Variants in TRA2A observed in about 807,000 individuals in gnomAD.
TRA2A encodes the protein transformer 2 alpha homolog.
In TRA2A, 31 loss-of-function variants were observed where a neutral mutation model predicts 45.7. The ratio of observed to expected loss-of-function variants is 0.68; its 90% CI spans 0.51 to 0.92. The LOEUF is 0.92. TRA2A is among the 40% of genes least tolerant of loss of function. TRA2A has a pLI of 0.00. For missense variants in TRA2A, 304 were observed against 367.5 expected, an observed-to-expected ratio of 0.83 and a Z score of 1.41; for synonymous variants, 132 against 126.2, an observed-to-expected ratio of 1.05 and a Z score of -0.31.
chr7:23,513,118 A>G, intron 3 of TRA2A, 36 bp from the exon 4 acceptor site: 1 of 1,442,570 alleles, frequency 6.9e-7, no homozygotes, highest in Non-Finnish European at 9.5e-7. Context: ...ACTCCAAATT[A>G]AAATCAAAAT....
chr7:23,523,807 G>C (rs1478744897), intron 1 of TRA2A, among the ~76,000 whole-genome samples: 1 of 152,164 alleles, frequency 6.6e-6, no homozygotes, highest in Non-Finnish European at 1.5e-5. Flanking sequence ...ATAAAAAAAG[G>C]CATGGCTAAT....
chr7:23,512,758 G>A (rs1340652156), intron 4 of TRA2A, 136 bp downstream of exon 4: 27 of 750,192 alleles, frequency 3.6e-5, no homozygotes, highest in Middle Eastern at 3.9e-4. Context: ...GCGCCTGGAC[G>A]CAAGATCCTA....
intron 1 of TRA2A, chr7:23,531,480 A>G (rs1256558146): frequency 2.4e-6 from 1 of 413,356 alleles, no homozygotes; most frequent in Non-Finnish European, 4.3e-6. Flanking sequence ...GGGGACCCAC[A>G]CCTCGGAGCA....
At chr7:23,518,122 AG>A (rs1422582557) in intron 2 of TRA2A, among the ~76,000 whole-genome samples, 1 of 151,762 alleles carries the variant, frequency 6.6e-6, no homozygotes, top group East Asian at 2.0e-4. Context: ...TATTTTCTGT[AG>A]TGACAGGGTT....
At chr7:23,527,418 G>C (rs1271613856) in intron 1 of TRA2A, among the ~76,000 whole-genome samples, 1 of 151,844 alleles carries the variant, frequency 6.6e-6, no homozygotes, top group Non-Finnish European at 1.5e-5. Flanking sequence ...TGCCTGTCTT[G>C]CTAAATTTGT....
chr7:23,510,282 C>T (rs1393202913), intron 4 of TRA2A, among the ~76,000 whole-genome samples: 1 of 152,124 alleles, frequency 6.6e-6, no homozygotes, highest in African/African-American at 2.4e-5. Context: ...TCTAATCCTG[C>T]CACTAAGTAA....
Position 23,521,758 on chromosome 7 carries a change from G to A in TRA2A, c.119C>T (p.Ser40Leu). 2 of 1,614,130 alleles carry A rather than the reference G, an allele frequency of 1.2e-6. No homozygotes were observed. Among genetic ancestry groups the A allele is most frequent in the Non-Finnish European group, 1.7e-6 (2 of 1,180,016 alleles). The change falls in exon 2 of 8, where the codon TCA (serine) becomes TTA (leucine). Residue 40 changes from serine (S) to leucine (L), a missense_variant. This residue lies in a region of TRA2A where 132 missense variants were observed against 113.4 expected (regional missense o/e 1.16). Transcript: ENST00000297071. Reference protein sequence around the residue: ...SESRSGSRSPSRVSKHSESHS... With the variant: ...SESRSGSRSPLRVSKHSESHS... ...GGATTCAGAGTGTTTGGAAACCCTT[G>A]ATGGACTACGAGATCCTGACCTGCT...
At chr7:23,512,783 A>G (rs1341975971) in intron 4 of TRA2A, 111 bp downstream of exon 4, 7 of 1,003,966 alleles carry the variant, frequency 7.0e-6, no homozygotes, top group African/African-American at 5.0e-5. Context: ...TAAAAAAAAA[A>G]AAAAGAAAAA....
intron 4 of TRA2A, among the ~76,000 whole-genome samples, chr7:23,512,684 T>A (rs1307756115): frequency 6.6e-6 from 1 of 151,036 alleles, no homozygotes; most frequent in Non-Finnish European, 1.5e-5. Flanking sequence ...AGTCTCGATC[T>A]CCTGACCTCG....
chr7:23,523,270 T>C (rs564523820), intron 1 of TRA2A, among the ~76,000 whole-genome samples: 24 of 152,304 alleles, frequency 1.6e-4, no homozygotes, highest in African/African-American at 5.8e-4. Context: ...CTATATTCTA[T>C]ATCCAAAAAG....
intron 1 of TRA2A, chr7:23,522,504 T>G: frequency 1.8e-6 from 1 of 554,402 alleles, no homozygotes; most frequent in Non-Finnish European, 2.4e-6. Flanking sequence ...GTTCAGAATG[T>G]TATCTACCAA....
In TRA2A at chr7:23,522,019, A is replaced by G. The variant is rs146378460; in HGVS notation, c.37-179T>C. On this transcript the variant is annotated intron_variant, in intron 1 of 7. Coordinates refer to ENST00000297071, the MANE Select transcript of TRA2A (RefSeq NM_013293.5). ...CTGTTAATACTGCTAACTGTCCTCA[A>G]TAATTCCCTACTTGAACCAGATCAC... is the stretch of plus-strand genomic sequence containing the variant. The G allele has an allele frequency of 1.8e-4, 247 of 1,404,218 alleles. No individual in the cohort carries two copies. In the Middle Eastern group the frequency reaches 2.4e-3, roughly 13 times the overall value. 87.0% of individuals were successfully genotyped at this position (1,404,218 alleles called of 1,614,324 possible). A position where few individuals can be genotyped will look rare whatever the true frequency, so the allele number is the denominator to read the frequency against.
At chr7:23,511,200 C>A (rs563723882) in intron 4 of TRA2A, among the ~76,000 whole-genome samples, 1 of 151,068 alleles carries the variant, frequency 6.6e-6, no homozygotes, top group Non-Finnish European at 1.5e-5. Context: ...TGAAACCCTG[C>A]CTCTACTAAA....
chr7:23,522,312 A>AT lies in TRA2A; in HGVS notation c.37-473dup, dbSNP rs529065986. The AT allele has an allele frequency of 1.0e-3, 1,201 of 1,179,968 alleles. 2 individuals carry two copies. The highest frequency in any genetic ancestry group is 1.2e-3 in the Non-Finnish European group (1,161 of 932,436). The allele number at this position is 1,179,968 out of a possible 1,614,324, so 73.1% of individuals were successfully genotyped here. ...TTCTATCTGACCAATCTTCTGTTCA[A>AT]TTTTTTCCCCCATTCAATTTTAATT... On this transcript the variant is annotated intron_variant, in intron 1 of 7. Coordinates refer to ENST00000297071, the MANE Select transcript of TRA2A (RefSeq NM_013293.5).
intron 4 of TRA2A, among the ~76,000 whole-genome samples, chr7:23,510,871 T>C (rs561989989): frequency 6.6e-6 from 1 of 152,076 alleles, no homozygotes; most frequent in East Asian, 1.9e-4. Flanking sequence ...GACTGACAAA[T>C]TAAGGCATTA....
chr7:23,521,910 C>T (rs188992680), intron 1 of TRA2A, 70 bp from the exon 2 acceptor site: 7 of 1,586,464 alleles, frequency 4.4e-6, no homozygotes, highest in East Asian at 2.2e-5. Flanking sequence ...TTTAAAGTAC[C>T]GTAATTATTT....
At chr7:23,519,626 G>A (rs1481713562) in intron 2 of TRA2A, among the ~76,000 whole-genome samples, 1 of 152,056 alleles carries the variant, frequency 6.6e-6, no homozygotes, top group Non-Finnish European at 1.5e-5. Context: ...ACCCATTGTT[G>A]ATACTGCTAA....
chr7:23,508,960 C>G (rs1789467859), intron 4 of TRA2A, among the ~76,000 whole-genome samples: 1 of 152,074 alleles, frequency 6.6e-6, no homozygotes. Context: ...GAAAAGAACT[C>G]TGAGAGTATT....
chr7:23,507,565 A>G (rs1271233379), intron 4 of TRA2A, 30 bp from the exon 5 acceptor site: 18 of 1,455,674 alleles, frequency 1.2e-5, no homozygotes, highest in Admixed American at 1.7e-5. Flanking sequence ...AAAGTCACGT[A>G]TAATTCACCA....
Sources: allele counts gnomAD v4.1 joint callset (sites outside exome capture counted in the v4.1 genomes callset), GRCh38; gene constraint gnomAD v4.1.1; regional missense constraint gnomAD v4.1.1; transcripts MANE v1.5; gene names NCBI Gene and HGNC (gene_info 2026-07-23, HGNC 2026-07-21).